Variants in SOX6 observed in about 807,000 individuals in gnomAD.
The protein encoded by SOX6 is SRY-box transcription factor 6.
Under a neutral mutation model 97.8 loss-of-function variants are expected in SOX6, and 11 were observed. That is an observed-to-expected ratio of 0.11 (90% CI 0.07 to 0.19). The LOEUF (loss-of-function observed/expected upper bound fraction) is 0.19, where lower values mean the gene tolerates loss of function less well. Ranked by LOEUF, SOX6 falls within the 10% of genes least tolerant of loss-of-function variation. SOX6 has a pLI of 1.00. For missense variants in SOX6, 810 were observed against 1,039.5 expected, an observed-to-expected ratio of 0.78 and a Z score of 3.04; for synonymous variants, 360 against 371.4, an observed-to-expected ratio of 0.97 and a Z score of 0.35.
chr11:16,686,178 G>A (rs986940272), intron 3 of SOX6, among the ~76,000 whole-genome samples: 1 of 152,244 alleles, frequency 6.6e-6, no homozygotes. Context: ...TTTCCTAATT[G>A]TCTTGGCTAT....
At chr11:16,366,584 T>C (rs746806796) in intron 1 of SOX6, among the ~76,000 whole-genome samples, 4 of 152,170 alleles carry the variant, frequency 2.6e-5, no homozygotes, top group Non-Finnish European at 5.9e-5. Flanking sequence ...GTTTTCACCA[T>C]TCAATGACTA....
chr11:16,292,008 T>G (rs531654674), intron 3 of SOX6, among the ~76,000 whole-genome samples: 1 of 152,242 alleles, frequency 6.6e-6, no homozygotes, highest in Admixed American at 6.6e-5. Flanking sequence ...CTACAGATGT[T>G]TAACATCCTG....
At chr11:16,493,091 C>A (rs1371178473) in intron 4 of SOX6, among the ~76,000 whole-genome samples, 1 of 152,126 alleles carries the variant, frequency 6.6e-6, no homozygotes, top group African/African-American at 2.4e-5. Flanking sequence ...TCCTATCATC[C>A]AGAAATTCTA....
chr11:16,227,036 C>A (rs922390922), intron 4 of SOX6, among the ~76,000 whole-genome samples: 1 of 152,126 alleles, frequency 6.6e-6, no homozygotes, highest in East Asian at 1.9e-4. Flanking sequence ...CGACCCTGAA[C>A]AAGATACCTA....
intron 2 of SOX6, among the ~76,000 whole-genome samples, chr11:16,730,064 C>T (rs1374675392): frequency 1.4e-5 from 2 of 145,946 alleles, no homozygotes; most frequent in Non-Finnish European, 3.0e-5. Context: ...AATATATATG[C>T]ACCCAATACA....
chr11:16,044,072 AT>A (rs1370970285), intron 12 of SOX6, among the ~76,000 whole-genome samples: 2 of 152,144 alleles, frequency 1.3e-5, no homozygotes, highest in South Asian at 2.1e-4. Flanking sequence ...AAACTTGTTT[AT>A]TTTTTAGAGA....
At chr11:15,983,457 T>A (rs777535515) in intron 15 of SOX6, among the ~76,000 whole-genome samples, 1 of 152,154 alleles carries the variant, frequency 6.6e-6, no homozygotes, top group Non-Finnish European at 1.5e-5. Flanking sequence ...TTGAAAGTTA[T>A]GCATGTCTTT....
intron 4 of SOX6, among the ~76,000 whole-genome samples, chr11:16,523,166 A>G (rs1046134576): frequency 3.5e-5 from 5 of 141,598 alleles, no homozygotes; most frequent in African/African-American, 1.4e-4. Flanking sequence ...ATCCCAAATC[A>G]ACAGAATATA....
At chr11:16,644,982 G>A (rs1848989666) in intron 3 of SOX6, among the ~76,000 whole-genome samples, 1 of 152,192 alleles carries the variant, frequency 6.6e-6, no homozygotes, top group South Asian at 2.1e-4. Context: ...AACAAAAGAT[G>A]TGATTGATAT....
At chr11:16,279,857 C>T (rs1293647995) in intron 3 of SOX6, among the ~76,000 whole-genome samples, 3 of 152,022 alleles carry the variant, frequency 2.0e-5, no homozygotes, top group Non-Finnish European at 4.4e-5. Flanking sequence ...AGCTTGATTA[C>T]TGAGTAATTA....
intron 13 of SOX6, among the ~76,000 whole-genome samples, chr11:15,997,784 A>T (rs1854270961): frequency 6.6e-6 from 1 of 152,130 alleles, no homozygotes; most frequent in East Asian, 1.9e-4. Flanking sequence ...GAAGATGTCC[A>T]CTCTCACCAT....
chr11:16,573,039 T>C (rs1422220117), intron 4 of SOX6, among the ~76,000 whole-genome samples: 8 of 152,206 alleles, frequency 5.3e-5, no homozygotes, highest in Admixed American at 5.2e-4. Flanking sequence ...ACTTCAGTGC[T>C]AACCTACCAC....
chr11:16,255,965 G>A (rs2134206387), intron 3 of SOX6, among the ~76,000 whole-genome samples: 1 of 151,864 alleles, frequency 6.6e-6, no homozygotes, highest in East Asian at 1.9e-4. Context: ...TGATAGCCTA[G>A]ATGAAATGAA....
chr11:16,134,053 T>C (rs1378877296), intron 6 of SOX6, among the ~76,000 whole-genome samples: 1 of 152,266 alleles, frequency 6.6e-6, no homozygotes, highest in Non-Finnish European at 1.5e-5. Context: ...TAATAAAGGC[T>C]ACACTGATAT....
chr11:16,223,677 C>G (rs1481161395), intron 4 of SOX6, among the ~76,000 whole-genome samples: 1 of 152,104 alleles, frequency 6.6e-6, no homozygotes, highest in African/African-American at 2.4e-5. Context: ...ATCTAACACA[C>G]ATCATTTAAG....
intron 12 of SOX6, among the ~76,000 whole-genome samples, chr11:16,040,851 C>T (rs184088785): frequency 7.2e-5 from 11 of 151,758 alleles, no homozygotes; most frequent in South Asian, 4.2e-4. Context: ...GGTTTAAGAG[C>T]GAATATATAT....
chr11:16,589,182 C>T (rs1397333141), intron 4 of SOX6, among the ~76,000 whole-genome samples: 1 of 152,152 alleles, frequency 6.6e-6, no homozygotes, highest in African/African-American at 2.4e-5. Context: ...CATGCATTTC[C>T]TCCTTGACTC....
At chr11:16,230,185 T>C (rs1206335787) in intron 4 of SOX6, among the ~76,000 whole-genome samples, 1 of 151,834 alleles carries the variant, frequency 6.6e-6, no homozygotes, top group East Asian at 1.9e-4. Context: ...AAGGATATTT[T>C]AATCAAGTCA....
At chr11:16,118,947 A>G (rs1849421185) in intron 6 of SOX6, among the ~76,000 whole-genome samples, 1 of 152,176 alleles carries the variant, frequency 6.6e-6, no homozygotes, top group Non-Finnish European at 1.5e-5. Context: ...ATGTGTGTAT[A>G]CCATGACAGA....
Sources: allele counts gnomAD v4.1 joint callset (sites outside exome capture counted in the v4.1 genomes callset), GRCh38; gene constraint gnomAD v4.1.1; transcripts MANE v1.5; gene names NCBI Gene and HGNC (gene_info 2026-07-23, HGNC 2026-07-21).